Variants in SGF29 observed in about 807,000 individuals in gnomAD.
SGF29 encodes the protein SAGA-associated factor 29.
SGF29 carries 15 observed loss-of-function variants against 38.1 expected under a neutral mutation model. That is an observed-to-expected ratio of 0.39 (90% confidence interval 0.26 to 0.61). The LOEUF is 0.61. SGF29 is among the 20% of genes least tolerant of loss of function. SGF29 has a pLI of 0.49. For synonymous variants in SGF29, 151 were observed against 160.8 expected (o/e 0.94, Z 0.46); for missense variants, 184 against 394.6 (o/e 0.47, Z 4.52).
chr16:28,585,563 G>A (rs10521145), intron 3 of SGF29, 85 bp from the exon 4 acceptor site: 138,800 of 1,227,602 alleles, frequency 0.11, 8,543 homozygotes, highest in Middle Eastern at 0.18. Context: ...GTGCCTCCAC[G>A]AGTGTGATTC....
intron 1 of SGF29, among the ~76,000 whole-genome samples, chr16:28,564,174 A>G (rs1167161811): frequency 6.6e-6 from 1 of 152,164 alleles, no homozygotes; most frequent in African/African-American, 2.4e-5. Flanking sequence ...CCAGCTGTGC[A>G]GCAATGCTGT....
At chr16:28,583,988 A>G (rs899125709) in intron 2 of SGF29, among the ~76,000 whole-genome samples, 1 of 151,584 alleles carries the variant, frequency 6.6e-6, no homozygotes, top group African/African-American at 2.4e-5. Flanking sequence ...ATAAAGGACT[A>G]TCATTAAAGA....
intron 4 of SGF29, among the ~76,000 whole-genome samples, chr16:28,585,965 A>G (rs920212116): frequency 1.5e-4 from 23 of 152,324 alleles, no homozygotes; most frequent in Admixed American, 9.2e-4. Flanking sequence ...TACTGGCTCT[A>G]TGACCTTGGC....
intron 2 of SGF29, among the ~76,000 whole-genome samples, chr16:28,583,046 C>T (rs2046935601): frequency 6.6e-6 from 1 of 152,248 alleles, no homozygotes; most frequent in Non-Finnish European, 1.5e-5. Flanking sequence ...GTCCCTCAGA[C>T]AGCTGCTGCC....
intron 1 of SGF29, among the ~76,000 whole-genome samples, chr16:28,572,883 C>A (rs1047151715): frequency 6.6e-6 from 1 of 152,026 alleles, no homozygotes; most frequent in Admixed American, 6.6e-5. Flanking sequence ...CAGCATGAAA[C>A]TCCCCCCAGC....
At chr16:28,557,361 G>T (rs992908440) in intron 1 of SGF29, among the ~76,000 whole-genome samples, 5 of 152,234 alleles carry the variant, frequency 3.3e-5, no homozygotes, top group Admixed American at 3.3e-4. Flanking sequence ...TTGTATCCCA[G>T]TTTGGAGCTT....
chr16:28,587,064 T>A (rs2046959475), intron 4 of SGF29, among the ~76,000 whole-genome samples: 2 of 152,188 alleles, frequency 1.3e-5, no homozygotes, highest in Admixed American at 6.5e-5. Context: ...CAGGCTGGTC[T>A]TGAACTCCTC....
chr16:28,560,847 G>C (rs1382542351), intron 1 of SGF29, among the ~76,000 whole-genome samples: 1 of 151,322 alleles, frequency 6.6e-6, no homozygotes, highest in Non-Finnish European at 1.5e-5. Flanking sequence ...TGTAGTCCCA[G>C]CTACTTGGGA....
chr16:28,564,492 G>C (rs1023241583), intron 1 of SGF29, among the ~76,000 whole-genome samples: 3 of 144,254 alleles, frequency 2.1e-5, no homozygotes, highest in African/African-American at 2.6e-5. Flanking sequence ...TCTCCAGAGG[G>C]ACAGAACTCT....
chr16:28,584,468 G>A (rs1238318), intron 2 of SGF29, among the ~76,000 whole-genome samples: 3 of 151,682 alleles, frequency 2.0e-5, no homozygotes, highest in African/African-American at 4.8e-5. Context: ...GCCTGGCCAA[G>A]ATGGCGAAAC....
chr16:28,585,694 C>T lies in SGF29; in HGVS notation c.198C>T (p.Ala66=). ...RTKLRGLYTT[A]KADAEAECNI... ...AGCTGCGTGGCCTCTACACAACCGC[C>T]AAGGCCGATGCAGAGGCTGAGTGCA... The change falls in exon 4 of 10, where the codon GCC becomes GCT. Residue 66 remains alanine (A), a synonymous_variant. Coordinates refer to ENST00000317058, the MANE Select transcript of SGF29 (RefSeq NM_138414.3). 6.2e-7 allele frequency: 1 copy of T among 1,614,230 alleles called. No homozygotes were observed. The highest frequency in any genetic ancestry group is 8.5e-7 in the Non-Finnish European group (1 of 1,180,030).
chr16:28,571,502 A>G (rs1310973292), intron 1 of SGF29, among the ~76,000 whole-genome samples: 1 of 151,560 alleles, frequency 6.6e-6, no homozygotes, highest in African/African-American at 2.4e-5. Flanking sequence ...TTGAGGCAGG[A>G]GAATCGCTTG....
chr16:28,590,963 T>G lies in SGF29; in HGVS notation c.765+28T>G. The G allele has an allele frequency of 6.3e-7, 1 of 1,582,676 alleles. No homozygotes were observed. Among genetic ancestry groups the G allele is most frequent in the Non-Finnish European group, 8.6e-7 (1 of 1,162,766 alleles). ...AAAGCAGCCTCCAGGGGAGAGGCCA[T>G]GGGTGATGTCAGGAACAGGCTGATC... is the stretch of plus-strand genomic sequence containing the variant. On this transcript the variant is annotated intron_variant, in intron 9 of 9. Transcript: ENST00000317058. The surrounding 1 kb of genome is among the most constrained non-coding windows in gnomAD (Gnocchi z 8.2).
rs2046978899 is a variant in SGF29, at chr16:28,590,071, C to T, written c.290-25C>T. The stretch of plus-strand genomic sequence containing the variant: ...CAAGGCCGGCACCTATCCCTGGGGC[C>T]TCAGGCCTCCCTTCCTTCCCACAGC... On this transcript the variant is annotated intron_variant, in intron 5 of 9. Transcript: ENST00000317058. This position sits in a 1 kb window ranked among gnomAD's most constrained non-coding sequence, Gnocchi z 8.2. 6.2e-7 allele frequency: 1 copy of T among 1,603,372 alleles called. No homozygotes were observed. Among genetic ancestry groups the T allele is most frequent in the African/African-American group, 1.3e-5 (1 of 74,854 alleles).
intron 2 of SGF29, among the ~76,000 whole-genome samples, chr16:28,581,873 G>T (rs1317832623): frequency 6.6e-6 from 1 of 151,418 alleles, no homozygotes; most frequent in African/African-American, 2.4e-5. Flanking sequence ...GAGCCGAGAT[G>T]GCGCCACTGC....
intron 1 of SGF29, among the ~76,000 whole-genome samples, chr16:28,569,364 A>G (rs56272201): frequency 0.26 from 40,297 of 152,192 alleles, 7,087 homozygotes; most frequent in Non-Finnish European, 0.37. Context: ...CACGTTGTAA[A>G]GAATGAAAAA....
chr16:28,572,112 G>A (rs2046868462), intron 1 of SGF29, among the ~76,000 whole-genome samples: 1 of 151,920 alleles, frequency 6.6e-6, no homozygotes, highest in Non-Finnish European at 1.5e-5. Context: ...GAGTAGCTGG[G>A]ACCACAGGCA....
intron 1 of SGF29, among the ~76,000 whole-genome samples, chr16:28,567,166 G>A (rs746621345): frequency 7.9e-5 from 12 of 152,130 alleles, no homozygotes; most frequent in Non-Finnish European, 1.6e-4. Flanking sequence ...AGAAGTAGAA[G>A]TGTGTAAGAA....
chr16:28,589,979 G>A (rs1046424702), intron 5 of SGF29, 117 bp from the exon 6 acceptor site: 10 of 1,406,752 alleles, frequency 7.1e-6, no homozygotes, highest in Admixed American at 2.7e-5. Context: ...CTGGGCCCTC[G>A]GGCTCACTCG....
Sources: gnomAD v4.1 joint callset for allele counts (sites outside exome capture counted in the v4.1 genomes callset) on GRCh38, gnomAD v4.1.1 for gene constraint, Gnocchi (gnomAD v3.1) non-coding constraint, MANE v1.5 for transcripts, NCBI Gene and HGNC (gene_info 2026-07-23, HGNC 2026-07-21) for gene names.